Variants in ABCA10 observed in about 807,000 individuals in gnomAD.
ABCA10 encodes ATP binding cassette subfamily A member 10.
Under a neutral mutation model 187.5 loss-of-function variants are expected in ABCA10, and 169 were observed. The observed-to-expected ratio is 0.90, with a 90% confidence interval of 0.80 to 1.02. The LOEUF is 1.02. Among genes scored for constraint, ABCA10 ranks in the 50% least tolerant of loss-of-function variants. The pLI, the probability that ABCA10 is intolerant of heterozygous loss-of-function variation, is 0.00. For synonymous variants in ABCA10, 574 were observed against 601.8 expected, an observed-to-expected ratio of 0.95 and a Z score of 0.68; for missense variants, 1,727 against 1,812.4, an observed-to-expected ratio of 0.95 and a Z score of 0.86.
chr17:69,177,971 A>ATATATATATATATATATATTTT (rs1480621345), intron 22 of ABCA10, among the ~76,000 whole-genome samples: 1 of 56,968 alleles, frequency 1.8e-5, no homozygotes. Flanking sequence ...AAAAAAAAAA[A>ATATATATATATATATATATTTT]AAATATATAT....
intron 1 of ABCA10, among the ~76,000 whole-genome samples, chr17:69,239,210 A>ACCTAAACAC (rs1177639536): frequency 2.2e-4 from 34 of 152,274 alleles, no homozygotes; most frequent in Non-Finnish European, 4.0e-4. Context: ...GGTCAGTGTG[A>ACCTAAACAC]ATGTGATTAG....
intron 20 of ABCA10, among the ~76,000 whole-genome samples, chr17:69,185,184 C>T (rs1968099): frequency 0.073 from 11,074 of 152,102 alleles, 536 homozygotes; most frequent in Admixed American, 0.15. Context: ...AAAGACTACA[C>T]ATTGAGTGTA....
chr17:69,207,433 C>A (rs1460362068), intron 9 of ABCA10, among the ~76,000 whole-genome samples: 1 of 152,168 alleles, frequency 6.6e-6, no homozygotes, highest in African/African-American at 2.4e-5. Context: ...GAGATATCTG[C>A]ACTCCCATAT....
intron 2 of ABCA10, among the ~76,000 whole-genome samples, chr17:69,226,150 A>C (rs2074791533): frequency 6.6e-6 from 1 of 152,002 alleles, no homozygotes; most frequent in Non-Finnish European, 1.5e-5. Context: ...CCAAGTTCTT[A>C]ATTTTTTGAG....
At position 69,153,296 on chromosome 17, in the gene ABCA10, T is replaced by A. The variant is rs766232477; in HGVS notation, c.4136+9A>T. ...CTTGACTCTGACACTTAATATTCAC[T>A]CTCCTTACCACATTTGCTGCTGCCC... is the stretch of plus-strand genomic sequence containing the variant. On this transcript the variant is annotated intron_variant, in intron 34 of 38. Transcript: ENST00000690296. 2.8e-5 allele frequency: 45 copies of A among 1,595,590 alleles called. No individual in the cohort carries two copies. Among genetic ancestry groups the A allele is most frequent in the Non-Finnish European group, 2.6e-6 (3 of 1,174,208 alleles).
intron 25 of ABCA10, among the ~76,000 whole-genome samples, chr17:69,165,976 C>T (rs2074252154): frequency 6.6e-6 from 1 of 151,972 alleles, no homozygotes; most frequent in African/African-American, 2.4e-5. Flanking sequence ...CTCTTACATA[C>T]CATACATGTT....
chr17:69,223,615 G>T, intron 3 of ABCA10: 1 of 411,962 alleles, frequency 2.4e-6, no homozygotes, highest in Non-Finnish European at 4.7e-6. Context: ...TTTATTTTAT[G>T]CTGTAGCCAT....
chr17:69,214,727 A>T lies in ABCA10; in HGVS notation c.983T>A (p.Leu328Ter). ...ACCAGGTAAAACTCGCTCAAAATATAATGTGAATATCAAATAGAAAAGAGT... is the reference window on the plus strand; with the variant it reads ...ACCAGGTAAAACTCGCTCAAAATATTATGTGAATATCAAATAGAAAAGAGT... ...FDTLFYLIFT[L>*]YFERVLPDKD... Residue 328 changes from leucine to a stop codon, truncating the protein, a stop_gained, in exon 9 of 39, where the codon TTA becomes TAA. Coordinates refer to ENST00000690296, the MANE Select transcript of ABCA10 (RefSeq NM_001377321.1). LOFTEE classifies it high-confidence loss of function. 6.6e-7 allele frequency: 1 copy of T among 1,513,638 alleles called. No individual in the cohort carries two copies. Among genetic ancestry groups the T allele is most frequent in the Admixed American group, 2.6e-5 (1 of 38,260 alleles). The allele number at this position is 1,513,638 out of a possible 1,614,324, so 93.8% of individuals were successfully genotyped here.
intron 1 of ABCA10, among the ~76,000 whole-genome samples, chr17:69,236,759 A>G (rs2074874464): frequency 1.3e-5 from 2 of 152,002 alleles, no homozygotes. Flanking sequence ...CCCTCAGGAA[A>G]TATTTGGCAA....
Position 69,175,447 on chromosome 17 carries a change from C to G in ABCA10, c.2836G>C (p.Val946Leu). Residue 946 changes from valine (V) to leucine (L), a missense_variant, in exon 23 of 39, where the codon GTT (valine) becomes CTT (leucine). Physicochemically the swap from Val to Leu is conservative, Grantham distance 32. Coordinates refer to ENST00000690296, the MANE Select transcript of ABCA10 (RefSeq NM_001377321.1). ...CTGCTCATGCCGATAAAAGGAGAAA[C>G]GCAGTTTGTGATCAACAACAAAAAT... is the stretch of plus-strand genomic sequence containing the variant. ...SIFLLLITNC[V>L]SPFIGMSSIS... 1 of 1,612,094 alleles carries G rather than the reference C, an allele frequency of 6.2e-7. No individual in the cohort carries two copies. The highest frequency in any genetic ancestry group is 1.1e-5 in the South Asian group (1 of 90,954).
intron 3 of ABCA10, chr17:69,223,490 G>GA (rs1230759354): frequency 3.3e-6 from 1 of 303,334 alleles, no homozygotes; most frequent in East Asian, 1.1e-4. Flanking sequence ...CAGAAGCTTT[G>GA]AAAATCACTG....
At position 69,148,678 on chromosome 17, in the gene ABCA10, A is replaced by G; in HGVS notation, c.*149T>C. 1 of 705,916 alleles carries G rather than the reference A, an allele frequency of 1.4e-6. No homozygotes were observed. Among genetic ancestry groups the G allele is most frequent in the South Asian group, 2.3e-5 (1 of 43,762 alleles). 43.7% of individuals were successfully genotyped at this position (705,916 alleles called of 1,614,324 possible). A position where few individuals can be genotyped will look rare whatever the true frequency, so the allele number is the denominator to read the frequency against. On this transcript the variant is annotated 3_prime_UTR_variant, in exon 39 of 39. Transcript: ENST00000690296. ...TATATTTCCTTGTTTCCTTCATCCT[A>G]AATTTTTAAAAATGAAAACTGTAAT...
At chr17:69,212,725 T>C (rs1337978335) in intron 9 of ABCA10, among the ~76,000 whole-genome samples, 1 of 152,216 alleles carries the variant, frequency 6.6e-6, no homozygotes, top group East Asian at 1.9e-4. Context: ...TCCCTCTTTG[T>C]CTTTTTAACT....
In ABCA10 at chr17:69,153,928, T is replaced by C; in HGVS notation, c.3868A>G (p.Asn1290Asp). The C allele has an allele frequency of 2.5e-6, 4 of 1,614,078 alleles. No homozygotes were observed. The highest frequency in any genetic ancestry group is 3.4e-6 in the Non-Finnish European group (4 of 1,179,988). ...LKFLGYCPQE[N>D]SLWPKLTMKE... Reference sequence around the variant, plus strand: ...ATTGTAAGCTTGGGCCACAGTGAGTTCTCCTGAGGGCAGTACCCCAAGAAC... The same window carrying C: ...ATTGTAAGCTTGGGCCACAGTGAGTCCTCCTGAGGGCAGTACCCCAAGAAC... The change falls in exon 32 of 39, where the codon AAC becomes GAC. Residue 1290 changes from asparagine to aspartate, a missense_variant. Coordinates refer to ENST00000690296, the MANE Select transcript of ABCA10 (RefSeq NM_001377321.1).
At chr17:69,244,420 T>C (rs1598138693) in intron 1 of ABCA10, 1 of 151,954 alleles carries the variant, frequency 6.6e-6, no homozygotes, top group East Asian at 1.9e-4. Context: ...TTGTCTTAAA[T>C]TTTCAACTCT....
chr17:69,180,338 G>T (rs779977925), intron 22 of ABCA10, among the ~76,000 whole-genome samples: 1 of 152,084 alleles, frequency 6.6e-6, no homozygotes, highest in Non-Finnish European at 1.5e-5. Flanking sequence ...CATCCTTTGT[G>T]CTAGAAATAA....
intron 8 of ABCA10, 118 bp from the exon 9 acceptor site, chr17:69,214,969 A>G (rs1173536949): frequency 1.4e-6 from 1 of 693,112 alleles, no homozygotes; most frequent in East Asian, 3.5e-5. Flanking sequence ...TACCTTTTCA[A>G]ATATGCATAG....
At chr17:69,183,923 A>C (rs2144792088) in intron 20 of ABCA10, among the ~76,000 whole-genome samples, 1 of 152,274 alleles carries the variant, frequency 6.6e-6, no homozygotes, top group Non-Finnish European at 1.5e-5. Context: ...GGGGGAAGGC[A>C]CATAACCGGA....
At chr17:69,154,968 C>T (rs1245144382) in intron 30 of ABCA10, 51 bp downstream of exon 30, 1 of 1,361,692 alleles carries the variant, frequency 7.3e-7, no homozygotes, top group Non-Finnish European at 1.0e-6. Context: ...AGTCTTAAAT[C>T]TAGAGAATAA....
Sources: gnomAD v4.1 joint callset for allele counts (sites outside exome capture counted in the v4.1 genomes callset) on GRCh38, gnomAD v4.1.1 for gene constraint, MANE v1.5 for transcripts, NCBI Gene and HGNC (gene_info 2026-07-23, HGNC 2026-07-21) for gene names.